BCR: variants seen among roughly 807,000 people sequenced by gnomAD.
BCR encodes the protein BCR activator of RhoGEF and GTPase, also known as breakpoint cluster region protein.
Under a neutral mutation model 138.6 loss-of-function variants are expected in BCR, and 58 were observed. The observed-to-expected ratio is 0.42, with a 90% CI of 0.34 to 0.52. The LOEUF is 0.52. Ranked by LOEUF, BCR falls within the 20% of genes least tolerant of loss-of-function variation. The pLI is 0.06. For missense variants in BCR, 1,599 were observed against 1,727.2 expected (o/e 0.93, Z 1.32); for synonymous variants, 786 against 730.1 (o/e 1.08, Z -1.23).
chr22:23,314,178 C>A, intron 21 of BCR, 105 bp downstream of exon 21: 1 of 928,004 alleles, frequency 1.1e-6, no homozygotes, highest in East Asian at 2.5e-5. Flanking sequence ...TTCTCCTGAC[C>A]CTTGTCTGCA....
intron 10 of BCR, 55 bp from the exon 11 acceptor site, chr22:23,287,104 G>A: frequency 6.4e-7 from 1 of 1,556,606 alleles, no homozygotes; most frequent in Non-Finnish European, 8.7e-7. Context: ...TGGAATGGGA[G>A]TGGGTTGTGT....
In BCR at chr22:23,181,272, A is replaced by G; in HGVS notation, c.312A>G (p.Gly104=). Residue 104 remains glycine, a synonymous_variant, in exon 1 of 23, where the codon GGA becomes GGG. Coordinates refer to ENST00000305877, the MANE Select transcript of BCR (RefSeq NM_004327.4). The stretch of plus-strand genomic sequence containing the variant: ...GCCCGCAGCCAGCGCCCGCCGACGG[A>G]GCCGACCCGCCGCCCGCCGAGGAGC... ...ASRPQPAPAD[G]ADPPPAEEPE... 1 of 1,287,486 alleles carries G rather than the reference A, an allele frequency of 7.8e-7. No individual in the cohort carries two copies. The highest frequency in any genetic ancestry group is 9.9e-7 in the Non-Finnish European group (1 of 1,011,172). 79.8% of individuals were successfully genotyped at this position (1,287,486 alleles called of 1,614,324 possible). A position where few individuals can be genotyped will look rare whatever the true frequency, so the allele number is the denominator to read the frequency against.
chr22:23,284,188 G>T, intron 9 of BCR, 90 bp downstream of exon 9: 1 of 1,529,266 alleles, frequency 6.5e-7, no homozygotes. Context: ...GGTCAGTGGT[G>T]ATGTAGCTCG....
Position 23,255,897 on chromosome 22 carries a change from C to G in BCR, c.1461+1917C>G, listed in dbSNP as rs2146269807. The stretch of plus-strand genomic sequence containing the variant: ...AGAGTTTCCAATCCCAAGCACGCCC[C>G]TTGGCCCAGAGCTGGTCTGAAGAGG... On this transcript the variant is annotated intron_variant, in intron 2 of 22. Transcript: ENST00000305877. Among the ~76,000 whole-genome samples, 2 of 152,346 alleles carry G rather than the reference C, an allele frequency of 1.3e-5. 1 individual carries two copies. The highest frequency in any genetic ancestry group is 6.8e-3 in the Middle Eastern group (2 of 294).
chr22:23,228,322 C>T, intron 1 of BCR, among the ~76,000 whole-genome samples: 1 of 152,100 alleles, frequency 6.6e-6, no homozygotes, highest in East Asian at 1.9e-4. Context: ...TTCTAATTTT[C>T]CTCGAGACTT....
Position 23,315,658 on chromosome 22 carries a change from G to C in BCR, c.*136G>C. The C allele has an allele frequency of 1.2e-6, 1 of 842,744 alleles. No individual in the cohort carries two copies. 52.2% of individuals were successfully genotyped at this position (842,744 alleles called of 1,614,324 possible). A position where few individuals can be genotyped will look rare whatever the true frequency, so the allele number is the denominator to read the frequency against. On this transcript the variant is annotated 3_prime_UTR_variant, in exon 23 of 23. Transcript: ENST00000305877. ...GTTGGGCCATCTGCCAAGAGACAGC[G>C]ACCCAAAGCCGAAGGACAGGTGGCC...
chr22:23,230,480 C>T (rs1162467022), intron 1 of BCR, among the ~76,000 whole-genome samples: 1 of 152,244 alleles, frequency 6.6e-6, no homozygotes, highest in Non-Finnish European at 1.5e-5. Context: ...CCCAACAGGG[C>T]TAAGCTGATA....
At chr22:23,313,893 G>A in intron 20 of BCR, 75 bp from the exon 21 acceptor site, 3 of 1,169,696 alleles carry the variant, frequency 2.6e-6, no homozygotes, top group Non-Finnish European at 2.6e-6. Flanking sequence ...CAAGCCCCAG[G>A]TGCTCCATGT....
intron 1 of BCR, among the ~76,000 whole-genome samples, chr22:23,219,849 C>T (rs1481732745): frequency 6.6e-6 from 1 of 152,226 alleles, no homozygotes; most frequent in Non-Finnish European, 1.5e-5. Context: ...CCCCGACCTG[C>T]ATGTAACCTG....
chr22:23,294,257 G>C (rs1178100557), intron 15 of BCR, among the ~76,000 whole-genome samples: 1 of 152,146 alleles, frequency 6.6e-6, no homozygotes, highest in East Asian at 1.9e-4. Context: ...GTTGATGTTA[G>C]GTAGGGTTCA....
intron 1 of BCR, among the ~76,000 whole-genome samples, chr22:23,187,986 A>G (rs1185541298): frequency 6.6e-6 from 1 of 152,138 alleles, no homozygotes; most frequent in Non-Finnish European, 1.5e-5. Flanking sequence ...CAGAGTGACC[A>G]CTGCATTGTT....
chr22:23,305,001 G>C (rs1214341101), intron 16 of BCR, among the ~76,000 whole-genome samples: 2 of 152,050 alleles, frequency 1.3e-5, no homozygotes, highest in African/African-American at 4.8e-5. Flanking sequence ...TGTAATCCCA[G>C]CTCCTCAGGG....
chr22:23,261,019 G>A lies in BCR; in HGVS notation c.1531G>A (p.Glu511Lys). The A allele has an allele frequency of 1.2e-6, 2 of 1,613,952 alleles. No homozygotes were observed. Among genetic ancestry groups the A allele is most frequent in the Non-Finnish European group, 1.7e-6 (2 of 1,180,016 alleles). The change falls in exon 3 of 23, where the codon GAG (glutamate) becomes AAG (lysine). Residue 511 changes from glutamate (E) to lysine (K), a missense_variant. Physicochemically the swap from Glu to Lys is moderately conservative, Grantham distance 56. Transcript: ENST00000305877. ...CCTGTCGGGAATCCTGGCTAGCGAGGAGACTTACCTGAGCCACCTGGAGGC... is the reference window on the plus strand; with the variant it reads ...CCTGTCGGGAATCCTGGCTAGCGAGAAGACTTACCTGAGCCACCTGGAGGC... Reference protein sequence around the residue: ...WVLSGILASEETYLSHLEALL... With the variant: ...WVLSGILASEKTYLSHLEALL...
rs530717687 is a variant in BCR at position 23,273,149 on chromosome 22, C to T, written c.1974+16C>T. The T allele has an allele frequency of 6.2e-7, 1 of 1,612,090 alleles. No homozygotes were observed. Among genetic ancestry groups the T allele is most frequent in the South Asian group, 1.1e-5 (1 of 91,036 alleles). ...GGTCCTCCATGTAAGTCACAGCGCCCCTCTGGACCGGGACCAAAACTGCCC... is the reference window on the plus strand; with the variant it reads ...GGTCCTCCATGTAAGTCACAGCGCCTCTCTGGACCGGGACCAAAACTGCCC... On this transcript the variant is annotated intron_variant, in intron 7 of 22. Transcript: ENST00000305877.
intron 11 of BCR, 74 bp downstream of exon 11, chr22:23,287,352 G>A (rs936943432): frequency 2.5e-5 from 37 of 1,459,830 alleles, no homozygotes; most frequent in South Asian, 1.4e-5. Flanking sequence ...ATGGCAGTGC[G>A]TTTTCACTTG....
chr22:23,216,826 T>C (rs2072759095), intron 1 of BCR, among the ~76,000 whole-genome samples: 1 of 152,246 alleles, frequency 6.6e-6, no homozygotes, highest in Non-Finnish European at 1.5e-5. Flanking sequence ...GTCATTGTTC[T>C]GCAGTGAAGC....
chr22:23,224,580 C>T (rs939776620), intron 1 of BCR, among the ~76,000 whole-genome samples: 12 of 152,160 alleles, frequency 7.9e-5, no homozygotes, highest in African/African-American at 2.7e-4. Flanking sequence ...AGGAAAGACA[C>T]CCTCCAAAAC....
At position 23,233,066 on chromosome 22, in the gene BCR, G is replaced by C. The variant is rs1602043875; in HGVS notation, c.1280-20733G>C. ...ATAGAAGCATCTTTCCAGACAATTGGGATCCTGTAGAAAATCTGCCCTCTG... is the reference window on the plus strand; with the variant it reads ...ATAGAAGCATCTTTCCAGACAATTGCGATCCTGTAGAAAATCTGCCCTCTG... On this transcript the variant is annotated intron_variant, in intron 1 of 22. Coordinates refer to ENST00000305877, the MANE Select transcript of BCR (RefSeq NM_004327.4). 2.0e-5 allele frequency among the ~76,000 whole-genome samples: 3 copies of C among 152,198 alleles called. No individual in the cohort carries two copies. In the South Asian group the frequency reaches 6.2e-4, roughly 31 times the overall value.
chr22:23,183,664 G>C (rs1218398132), intron 1 of BCR, among the ~76,000 whole-genome samples: 1 of 152,252 alleles, frequency 6.6e-6, no homozygotes, highest in Non-Finnish European at 1.5e-5. Flanking sequence ...CTGGCCAGCT[G>C]TTGGTCAGGC....
Sources: allele counts gnomAD v4.1 joint callset (sites outside exome capture counted in the v4.1 genomes callset), GRCh38; gene constraint gnomAD v4.1.1; transcripts MANE v1.5; gene names NCBI Gene and HGNC (gene_info 2026-07-23, HGNC 2026-07-21).